The following SYT13 variants were observed in gnomAD, a reference collection of about 807,000 sequenced individuals.
SYT13 encodes the protein synaptotagmin-13.
Under a neutral mutation model 38.6 loss-of-function variants are expected in SYT13, and 21 were observed. The observed-to-expected ratio is 0.54, with a 90% CI of 0.39 to 0.78. SYT13 has a LOEUF of 0.78. Ranked by LOEUF, SYT13 falls within the 30% of genes least tolerant of loss-of-function variation. SYT13 has a pLI of 0.00. For missense variants in SYT13, 495 were observed against 548.7 expected (o/e 0.90, Z 0.98); for synonymous variants, 241 against 237.6 (o/e 1.01, Z -0.13).
At chr11:45,276,123 C>A (rs116057138) in intron 1 of SYT13, among the ~76,000 whole-genome samples, 1 of 152,156 alleles carries the variant, frequency 6.6e-6, no homozygotes, top group Non-Finnish European at 1.5e-5. Context: ...TCTATAAAGA[C>A]ACGTGTACAT....
chr11:45,276,792 A>G (rs771853379), intron 1 of SYT13, among the ~76,000 whole-genome samples: 5 of 152,200 alleles, frequency 3.3e-5, no homozygotes, highest in Non-Finnish European at 7.3e-5. Flanking sequence ...GAACTGTCAT[A>G]CATTGCTGGT....
intron 5 of SYT13, among the ~76,000 whole-genome samples, chr11:45,246,156 T>C (rs1448869935): frequency 6.6e-6 from 1 of 152,164 alleles, no homozygotes; most frequent in Non-Finnish European, 1.5e-5. Context: ...TCCTAATGGA[T>C]GGGATTGATC....
At chr11:45,282,094 A>G (rs557629613) in intron 1 of SYT13, among the ~76,000 whole-genome samples, 3 of 152,276 alleles carry the variant, frequency 2.0e-5, no homozygotes, top group African/African-American at 4.8e-5. Flanking sequence ...GCCGCTCACT[A>G]ATAGATTCAG....
chr11:45,240,412 C>A lies in SYT13; in HGVS notation c.*3640G>T, dbSNP rs151149235. 8 of 152,700 alleles carry A rather than the reference C, an allele frequency of 5.2e-5. No individual in the cohort carries two copies. The highest frequency in any genetic ancestry group is 1.5e-5 in the Non-Finnish European group (1 of 68,034). 9.5% of individuals were successfully genotyped at this position (152,700 alleles called of 1,614,324 possible). On this transcript the variant is annotated 3_prime_UTR_variant, in exon 6 of 6. Coordinates refer to ENST00000020926, the MANE Select transcript of SYT13 (RefSeq NM_020826.3). ...CTTTTTGTGCTTTAGTTCATGACTG[C>A]AAAACACACACTTAGCATTTGACAA...
chr11:45,257,479 G>A (rs766911129), intron 1 of SYT13, among the ~76,000 whole-genome samples: 2 of 152,212 alleles, frequency 1.3e-5, no homozygotes, highest in Admixed American at 6.5e-5. Context: ...TGGCTGAAGC[G>A]AGTAGTGGGT....
In SYT13 at chr11:45,263,593, T is replaced by G. The variant is rs189859807; in HGVS notation, c.184-7702A>C. ...TCCAGTATTCAGATGATGCCAACCA[T>G]GGGCCACTGCTGCTGCTGGGGTCTA... On this transcript the variant is annotated intron_variant, in intron 1 of 5. Coordinates refer to ENST00000020926, the MANE Select transcript of SYT13 (RefSeq NM_020826.3). 1.5e-3 allele frequency among the ~76,000 whole-genome samples: 225 copies of G among 152,292 alleles called. 4 individuals are homozygous for G. Among genetic ancestry groups the G allele is most frequent in the South Asian group, 0.011 (52 of 4,822 alleles).
Position 45,243,935 on chromosome 11 carries a change from C to G in SYT13, c.*117G>C, listed in dbSNP as rs1854582518. ...GAGTATGATGAGAGAGCCATCCCAG[C>G]CTTGCAAACACATCTGTCACTGTCT... is the stretch of plus-strand genomic sequence containing the variant. On this transcript the variant is annotated 3_prime_UTR_variant, in exon 6 of 6. Transcript: ENST00000020926. 8.9e-7 allele frequency: 1 copy of G among 1,118,410 alleles called. No homozygotes were observed. The highest frequency in any genetic ancestry group is 2.4e-5 in the East Asian group (1 of 41,960). 69.3% of individuals were successfully genotyped at this position (1,118,410 alleles called of 1,614,324 possible).
chr11:45,251,448 T>C (rs777335389), intron 4 of SYT13, among the ~76,000 whole-genome samples: 10 of 149,366 alleles, frequency 6.7e-5, no homozygotes, highest in Non-Finnish European at 1.3e-4. Context: ...TGCTTTAGCA[T>C]GAGGGTTGTC....
chr11:45,274,570 G>A (rs1017213523), intron 1 of SYT13, among the ~76,000 whole-genome samples: 5 of 152,182 alleles, frequency 3.3e-5, no homozygotes, highest in Non-Finnish European at 7.3e-5. Flanking sequence ...GATGCTCCGC[G>A]ATATGCTCTG....
intron 1 of SYT13, among the ~76,000 whole-genome samples, chr11:45,260,099 C>A (rs984178075): frequency 6.6e-6 from 1 of 152,098 alleles, no homozygotes; most frequent in Non-Finnish European, 1.5e-5. Flanking sequence ...AGAAACTGGG[C>A]CTAGGGTAGA....
In SYT13 at chr11:45,252,243, G is replaced by A. The variant is rs1854685124; in HGVS notation, c.846+178C>T. Among the ~76,000 whole-genome samples the A allele has an allele frequency of 6.6e-6, 1 of 152,164 alleles. No homozygotes were observed. Among genetic ancestry groups the A allele is most frequent in the East Asian group, 1.9e-4 (1 of 5,190 alleles). On this transcript the variant is annotated intron_variant, in intron 4 of 5. Coordinates refer to ENST00000020926, the MANE Select transcript of SYT13 (RefSeq NM_020826.3). The surrounding 1 kb of genome is among the most constrained non-coding windows in gnomAD (Gnocchi z 4.3). ...CAGACACTAGGAATCCCAGATCCTG[G>A]GCTATGGGTCTCCTCTAGCCCTCTG...
intron 4 of SYT13, among the ~76,000 whole-genome samples, chr11:45,247,261 G>C (rs1383055064): frequency 6.6e-6 from 1 of 152,214 alleles, no homozygotes; most frequent in Admixed American, 6.5e-5. Flanking sequence ...TAGGAGGTGG[G>C]TGTTTGGTTG....
chr11:45,266,594 A>G (rs1293953602), intron 1 of SYT13, among the ~76,000 whole-genome samples: 1 of 152,114 alleles, frequency 6.6e-6, no homozygotes, highest in Non-Finnish European at 1.5e-5. Flanking sequence ...GCTGTAAGAA[A>G]CTGAGAGAGA....
chr11:45,260,044 C>G (rs796824511), intron 1 of SYT13, among the ~76,000 whole-genome samples: 13 of 152,238 alleles, frequency 8.5e-5, no homozygotes, highest in African/African-American at 3.1e-4. Context: ...CAAACTGATG[C>G]ATTGCCTTTT....
chr11:45,265,075 C>T (rs545259975), intron 1 of SYT13, among the ~76,000 whole-genome samples: 9 of 152,320 alleles, frequency 5.9e-5, no homozygotes, highest in South Asian at 2.1e-4. Context: ...CCTAGCCAAA[C>T]GCTGAAAGCA....
chr11:45,280,644 T>A (rs1855060756), intron 1 of SYT13, among the ~76,000 whole-genome samples: 1 of 152,196 alleles, frequency 6.6e-6, no homozygotes, highest in South Asian at 2.1e-4. Flanking sequence ...TCCTACCCGC[T>A]GCAGTCATTT....
intron 1 of SYT13, among the ~76,000 whole-genome samples, chr11:45,271,399 T>A (rs934702850): frequency 1.3e-5 from 2 of 152,070 alleles, no homozygotes; most frequent in African/African-American, 4.8e-5. Flanking sequence ...AATGCAGCAT[T>A]CAAGGATGAT....
chr11:45,252,088 A>G lies in SYT13; in HGVS notation c.846+333T>C, dbSNP rs555336194. ...CCTGCAGTGTCTGCCACATCGTAGG[A>G]GCACACAGAGTATAACTGGATTGAA... On this transcript the variant is annotated intron_variant, in intron 4 of 5. Coordinates refer to ENST00000020926, the MANE Select transcript of SYT13 (RefSeq NM_020826.3). The surrounding 1 kb of genome is among the most constrained non-coding windows in gnomAD (Gnocchi z 4.3). Among the ~76,000 whole-genome samples, 8 of 152,352 alleles carry G rather than the reference A, an allele frequency of 5.3e-5. No homozygotes were observed. The East Asian group carries it at 1.5e-3, about 29-fold the overall frequency.
intron 1 of SYT13, among the ~76,000 whole-genome samples, chr11:45,260,600 C>T (rs1455312108): frequency 6.6e-6 from 1 of 152,204 alleles, no homozygotes; most frequent in Non-Finnish European, 1.5e-5. Flanking sequence ...CTACGTGTCC[C>T]TTGAAGCCCA....
Sources: allele counts gnomAD v4.1 joint callset (sites outside exome capture counted in the v4.1 genomes callset), GRCh38; gene constraint gnomAD v4.1.1; non-coding constraint Gnocchi (gnomAD v3.1); transcripts MANE v1.5; gene names NCBI Gene and HGNC (gene_info 2026-07-23, HGNC 2026-07-21).